Variants in SATB2 observed in about 807,000 individuals in gnomAD.
The protein encoded by SATB2 is DNA-binding protein SATB2.
SATB2 carries 1 observed loss-of-function variant against 73.4 expected under a neutral mutation model. That is an observed-to-expected ratio of 0.01 (90% CI 0.00 to 0.06). The LOEUF is 0.06. Ranked by LOEUF, SATB2 falls within the 10% of genes least tolerant of loss-of-function variation. The pLI, the probability that SATB2 is intolerant of heterozygous loss-of-function variation, is 1.00. For synonymous variants in SATB2, 397 were observed against 367.0 expected, an observed-to-expected ratio of 1.08 and a Z score of -0.93; for missense variants, 459 against 945.8, an observed-to-expected ratio of 0.49 and a Z score of 6.75.
intron 3 of SATB2, among the ~76,000 whole-genome samples, chr2:199,401,047 A>T (rs1690458151): frequency 6.6e-6 from 1 of 152,138 alleles, no homozygotes; most frequent in South Asian, 2.1e-4. Context: ...ATATCTTTTG[A>T]ACATAAAAAG....
chr2:199,279,849 A>G (rs1692428510), intron 10 of SATB2, among the ~76,000 whole-genome samples: 1 of 152,246 alleles, frequency 6.6e-6, no homozygotes, highest in Admixed American at 6.5e-5. Context: ...TCCAAGAAAA[A>G]TATACTTAAG....
chr2:199,317,630 T>C (rs1266765377), intron 9 of SATB2, among the ~76,000 whole-genome samples: 1 of 152,074 alleles, frequency 6.6e-6, no homozygotes, highest in Non-Finnish European at 1.5e-5. Flanking sequence ...AGGACTCCTA[T>C]AAAGACTAAT....
intron 2 of SATB2, among the ~76,000 whole-genome samples, chr2:199,452,004 T>C (rs906977135): frequency 3.3e-5 from 5 of 152,118 alleles, no homozygotes; most frequent in African/African-American, 1.2e-4. Context: ...AAACATAAAT[T>C]ATTTTTCAGA....
intron 3 of SATB2, among the ~76,000 whole-genome samples, chr2:199,418,610 A>G (rs1407733672): frequency 6.6e-6 from 1 of 152,144 alleles, no homozygotes; most frequent in Non-Finnish European, 1.5e-5. Flanking sequence ...TCTACATCCA[A>G]ACATTTTTGA....
rs539509882 is a variant in SATB2 at position 199,288,514 on chromosome 2, C to T, written c.1741-15842G>A. Among the ~76,000 whole-genome samples, 6 of 152,254 alleles carry T rather than the reference C, an allele frequency of 3.9e-5. No individual in the cohort carries two copies. In the South Asian group the frequency reaches 1.2e-3, roughly 32 times the overall value. On this transcript the variant is annotated intron_variant, in intron 10 of 10. Transcript: ENST00000417098. Reference sequence around the variant, plus strand: ...AGGCTATTTAGAATCCCACATTAGGCCACATTTTCTGTATAATTTTTACAG... The same window carrying T: ...AGGCTATTTAGAATCCCACATTAGGTCACATTTTCTGTATAATTTTTACAG...
At chr2:199,365,145 A>G (rs1689245161) in intron 6 of SATB2, among the ~76,000 whole-genome samples, 1 of 152,266 alleles carries the variant, frequency 6.6e-6, no homozygotes, top group East Asian at 1.9e-4. Flanking sequence ...TCTCATGTAC[A>G]ATACTAAAAC....
intron 10 of SATB2, among the ~76,000 whole-genome samples, chr2:199,295,389 C>G (rs1233923697): frequency 2.0e-5 from 3 of 151,706 alleles, no homozygotes; most frequent in Non-Finnish European, 4.4e-5. Flanking sequence ...CAGTGTTTCG[C>G]TGGCAAATAT....
intron 3 of SATB2, among the ~76,000 whole-genome samples, chr2:199,421,498 C>T (rs954581889): frequency 1.3e-5 from 2 of 152,176 alleles, no homozygotes; most frequent in East Asian, 1.9e-4. Context: ...AATCTCCATC[C>T]TACTGCACAC....
upstream of SATB2, among the ~76,000 whole-genome samples, chr2:199,461,595 C>T (rs2105966112): frequency 6.6e-6 from 1 of 152,306 alleles, no homozygotes; most frequent in East Asian, 1.9e-4. Context: ...ACATGGAGTT[C>T]ACATCTGGGG....
At chr2:199,311,367 C>A (rs1025181029) in intron 9 of SATB2, among the ~76,000 whole-genome samples, 1 of 152,058 alleles carries the variant, frequency 6.6e-6, no homozygotes, top group African/African-American at 2.4e-5. Context: ...AACAGCGCAC[C>A]CCCACCACAG....
chr2:199,333,203 TGAATAC>T (rs577573378), intron 7 of SATB2, among the ~76,000 whole-genome samples: 53 of 152,058 alleles, frequency 3.5e-4, no homozygotes, highest in Non-Finnish European at 6.0e-4. Context: ...TATTTATGAT[TGAATAC>T]AAAGTTCTGA....
chr2:199,455,739 A>C lies in SATB2; in HGVS notation c.169+130T>G. ...GTTGCAGATGAGAGGCGACGGGGGC[A>C]TTATTTGGCAACCTGGAATTCACTT... is the stretch of plus-strand genomic sequence containing the variant. On this transcript the variant is annotated intron_variant, in intron 2 of 10. Coordinates refer to ENST00000417098, the MANE Select transcript of SATB2 (RefSeq NM_001172509.2). The surrounding 1 kb of genome is among the most constrained non-coding windows in gnomAD (Gnocchi z 4.1). 1.9e-6 allele frequency: 2 copies of C among 1,043,088 alleles called. No homozygotes were observed. Among genetic ancestry groups the C allele is most frequent in the Non-Finnish European group, 2.8e-6 (2 of 710,154 alleles). The allele number at this position is 1,043,088 out of a possible 1,614,324, so 64.6% of individuals were successfully genotyped here. A position where few individuals can be genotyped will look rare whatever the true frequency, so the allele number is the denominator to read the frequency against.
rs568623294 is a variant in SATB2 at position 199,318,667 on chromosome 2, T to A, written c.1542+5136A>T. Among the ~76,000 whole-genome samples, 76 of 152,194 alleles carry A rather than the reference T, an allele frequency of 5.0e-4. 1 individual carries two copies. In the East Asian group the frequency reaches 0.013, roughly 26 times the overall value. On this transcript the variant is annotated intron_variant, in intron 9 of 10. Transcript: ENST00000417098. ...ATTCTTCGTCACTTTCTGAATTTTT[T>A]AAAATGAGGCTGTTAAATTACTTAC...
At chr2:199,285,759 G>GA (rs1488247762) in intron 10 of SATB2, among the ~76,000 whole-genome samples, 4 of 142,014 alleles carry the variant, frequency 2.8e-5, no homozygotes, top group Non-Finnish European at 4.6e-5. Flanking sequence ...AAGAGAATAA[G>GA]AAAAAAAAAG....
At chr2:199,470,269 C>T (rs1302421933) in intron 1 of SATB2, 1 of 152,228 alleles carries the variant, frequency 6.6e-6, no homozygotes, top group Non-Finnish European at 1.5e-5. Flanking sequence ...CAGCCCCTGC[C>T]GCGGAGGATC....
chr2:199,294,335 A>G (rs1692961146), intron 10 of SATB2, among the ~76,000 whole-genome samples: 1 of 152,198 alleles, frequency 6.6e-6, no homozygotes. Context: ...TTTCAACAAA[A>G]TGACAAGAAA....
At chr2:199,341,199 G>A (rs1307019193) in intron 7 of SATB2, among the ~76,000 whole-genome samples, 2 of 152,192 alleles carry the variant, frequency 1.3e-5, no homozygotes, top group African/African-American at 4.8e-5. Flanking sequence ...AGGCAAAGAT[G>A]TAAACAAATT....
intron 5 of SATB2, among the ~76,000 whole-genome samples, chr2:199,376,691 A>T (rs952195157): frequency 6.6e-6 from 1 of 152,192 alleles, no homozygotes; most frequent in African/African-American, 2.4e-5. Context: ...TATTGTGGAC[A>T]GTCCATCTAG....
intron 2 of SATB2, among the ~76,000 whole-genome samples, chr2:199,438,720 T>G (rs1025834763): frequency 2.0e-5 from 3 of 152,220 alleles, no homozygotes; most frequent in Non-Finnish European, 2.9e-5. Context: ...TGCGCCAAAG[T>G]TGGGACATGA....
Sources: allele counts gnomAD v4.1 joint callset (sites outside exome capture counted in the v4.1 genomes callset), GRCh38; gene constraint gnomAD v4.1.1; non-coding constraint Gnocchi (gnomAD v3.1); transcripts MANE v1.5; gene names NCBI Gene and HGNC (gene_info 2026-07-23, HGNC 2026-07-21).